The following SAC3D1 variants were observed in gnomAD, a reference collection of about 807,000 sequenced individuals.
The protein encoded by SAC3D1 is SAC3 domain-containing protein 1.
SAC3D1 carries 10 observed loss-of-function variants against 12.7 expected under a neutral mutation model. The ratio of observed to expected loss-of-function variants is 0.79; its 90% CI spans 0.49 to 1.34. The LOEUF is 1.34. Among genes scored for constraint, SAC3D1 ranks in the 40% most tolerant of loss-of-function variants. The pLI, the probability that SAC3D1 is intolerant of heterozygous loss-of-function variation, is 0.00. For synonymous variants in SAC3D1, 241 were observed against 250.8 expected, an observed-to-expected ratio of 0.96 and a Z score of 0.37; for missense variants, 482 against 531.1, an observed-to-expected ratio of 0.91 and a Z score of 0.91.
chr11:65,044,178 A>C lies in SAC3D1; in HGVS notation c.575-47A>C, dbSNP rs1946665754. On this transcript the variant is annotated intron_variant, in intron 1 of 1. Transcript: ENST00000652489. The surrounding 1 kb of genome is among the most constrained non-coding windows in gnomAD (Gnocchi z 4.0). ...GGTGTTGGGAGGGGAGATGAGCCTGATCCTGTAAGGACCAGGCGTCCTCAT... is the reference window on the plus strand; with the variant it reads ...GGTGTTGGGAGGGGAGATGAGCCTGCTCCTGTAAGGACCAGGCGTCCTCAT... 1 of 1,587,218 alleles carries C rather than the reference A, an allele frequency of 6.3e-7. No homozygotes were observed. Among genetic ancestry groups the C allele is most frequent in the South Asian group, 1.1e-5 (1 of 87,428 alleles).
chr11:65,042,762 G>T (rs945193083), intron 1 of SAC3D1, among the ~76,000 whole-genome samples: 5 of 151,712 alleles, frequency 3.3e-5, no homozygotes, highest in Non-Finnish European at 5.9e-5. Flanking sequence ...TGCTGGTCTC[G>T]AACTCCTGAC....
In SAC3D1 at chr11:65,041,234, T is replaced by A; in HGVS notation, c.-59T>A. On this transcript the variant is annotated 5_prime_UTR_variant, in exon 1 of 2. Coordinates refer to ENST00000652489, the MANE Select transcript of SAC3D1 (RefSeq NM_013299.4). ...ACCCCCCGGCCGGCCTCGCGTGCCT[T>A]CCCGCAGCACTGCCGTCCCCGGGAT... 3.4e-6 allele frequency: 5 copies of A among 1,456,544 alleles called. No individual in the cohort carries two copies. Among genetic ancestry groups the A allele is most frequent in the Non-Finnish European group, 3.6e-6 (4 of 1,108,652 alleles). The allele number at this position is 1,456,544 out of a possible 1,614,324, so 90.2% of individuals were successfully genotyped here.
chr11:65,042,064 G>A (rs571285831), intron 1 of SAC3D1, 198 bp downstream of exon 1: 17 of 673,414 alleles, frequency 2.5e-5, no homozygotes, highest in African/African-American at 1.3e-4. Context: ...AAGTGGAGGG[G>A]GCAAGGGTGG....
chr11:65,041,213 C>A lies in SAC3D1; in HGVS notation c.-80C>A. The A allele has an allele frequency of 1.5e-6, 2 of 1,378,142 alleles. No individual in the cohort carries two copies. The highest frequency in any genetic ancestry group is 1.9e-6 in the Non-Finnish European group (2 of 1,044,222). 85.4% of individuals were successfully genotyped at this position (1,378,142 alleles called of 1,614,324 possible). A position where few individuals can be genotyped will look rare whatever the true frequency, so the allele number is the denominator to read the frequency against. ...CGCCCCGACCCGCCGCTCCCCACCC[C>A]CCGGCCGGCCTCGCGTGCCTTCCCG... On this transcript the variant is annotated 5_prime_UTR_variant, in exon 1 of 2. Coordinates refer to ENST00000652489, the MANE Select transcript of SAC3D1 (RefSeq NM_013299.4).
chr11:65,044,049 T>G lies in SAC3D1; in HGVS notation c.575-176T>G, dbSNP rs1306138216. On this transcript the variant is annotated intron_variant, in intron 1 of 1. Coordinates refer to ENST00000652489, the MANE Select transcript of SAC3D1 (RefSeq NM_013299.4). The surrounding 1 kb of genome is among the most constrained non-coding windows in gnomAD (Gnocchi z 4.0). ...AAGTCAAGAGCCTGAGGCCACTCAT[T>G]CAAATATAGGTTGGGGAAGGAGCCA... Among the ~76,000 whole-genome samples the G allele has an allele frequency of 6.6e-6, 1 of 152,170 alleles. No individual in the cohort carries two copies. Among genetic ancestry groups the G allele is most frequent in the Admixed American group, 6.5e-5 (1 of 15,272 alleles).
In SAC3D1 at chr11:65,042,036, T is replaced by TA. The variant is rs1322412316; in HGVS notation, c.574+171dup. ...GGACCTCGGGCCCATCTCTGGGTCT[T>TA]AGTTGTCTCAGGAATAAAAGTGGAG... On this transcript the variant is annotated intron_variant, in intron 1 of 1. Transcript: ENST00000652489. 6.8e-6 allele frequency: 6 copies of TA among 887,174 alleles called. No homozygotes were observed. The Admixed American group carries it at 1.8e-4, about 26-fold the overall frequency. 55.0% of individuals were successfully genotyped at this position (887,174 alleles called of 1,614,324 possible).
At chr11:65,043,190 A>G (rs980823473) in intron 1 of SAC3D1, 2 of 317,942 alleles carry the variant, frequency 6.3e-6, no homozygotes. Context: ...CTAGTGGGGG[A>G]AGAAATCGAA....
In SAC3D1 at chr11:65,041,375, G is replaced by A. The variant is rs1257213869; in HGVS notation, c.83G>A (p.Arg28His). The change falls in exon 1 of 2, where the codon CGC becomes CAC. Residue 28 changes from arginine to histidine, a missense_variant. Arg to His is a conservative substitution (Grantham distance 29). Transcript: ENST00000652489. ...AERAQREREH[R>H]LHRLEVVPGC... ...CGCGCCCAGCGCGAAAGGGAGCACC[G>A]CCTGCACCGCTTGGAGGTGGTGCCG... is the stretch of plus-strand genomic sequence containing the variant. The A allele has an allele frequency of 2.6e-6, 4 of 1,512,002 alleles. No individual in the cohort carries two copies. The highest frequency in any genetic ancestry group is 3.5e-6 in the Non-Finnish European group (4 of 1,137,228). 93.7% of individuals were successfully genotyped at this position (1,512,002 alleles called of 1,614,324 possible). A position where few individuals can be genotyped will look rare whatever the true frequency, so the allele number is the denominator to read the frequency against.
At chr11:65,042,662 C>T (rs1253987703) in intron 1 of SAC3D1, among the ~76,000 whole-genome samples, 1 of 152,052 alleles carries the variant, frequency 6.6e-6, no homozygotes, top group Admixed American at 6.6e-5. Context: ...CTGCGTCAGC[C>T]TCCCAAAGAG....
At chr11:65,042,691 A>G (rs60568743) in intron 1 of SAC3D1, among the ~76,000 whole-genome samples, 8,896 of 150,898 alleles carry the variant, frequency 0.059, 891 homozygotes, top group African/African-American at 0.2. Context: ...ACAGGCGTGC[A>G]CCACCACACC....
chr11:65,041,227 C>A lies in SAC3D1; in HGVS notation c.-66C>A, dbSNP rs781740252. On this transcript the variant is annotated 5_prime_UTR_variant, in exon 1 of 2. Coordinates refer to ENST00000652489, the MANE Select transcript of SAC3D1 (RefSeq NM_013299.4). ...GCTCCCCACCCCCCGGCCGGCCTCG[C>A]GTGCCTTCCCGCAGCACTGCCGTCC... 1.7e-5 allele frequency: 24 copies of A among 1,425,292 alleles called. No individual in the cohort carries two copies. The highest frequency in any genetic ancestry group is 4.6e-6 in the Non-Finnish European group (5 of 1,084,574). 88.3% of individuals were successfully genotyped at this position (1,425,292 alleles called of 1,614,324 possible). A position where few individuals can be genotyped will look rare whatever the true frequency, so the allele number is the denominator to read the frequency against.
chr11:65,044,631 GT>G lies in SAC3D1; in HGVS notation c.983del (p.Leu328Ter), dbSNP rs1946678720. 6.2e-7 allele frequency: 1 copy of G among 1,613,984 alleles called. No homozygotes were observed. Among genetic ancestry groups the G allele is most frequent in the Non-Finnish European group, 8.5e-7 (1 of 1,180,032 alleles). On this transcript the variant is annotated frameshift_variant, in exon 2 of 2. Transcript: ENST00000652489. LOFTEE classifies it low-confidence loss of function (END_TRUNC). The surrounding 1 kb of genome is among the most constrained non-coding windows in gnomAD (Gnocchi z 4.0). ...GLPPASTCKV[L>X]VESKLRGRTL... ...TACCGCCTGCCAGTACGTGCAAGGTGTTAGTGGAGAGCAAACTTCGAGGACG... is the reference window on the plus strand; with the variant it reads ...TACCGCCTGCCAGTACGTGCAAGGTGTAGTGGAGAGCAAACTTCGAGGACG...
rs773131737 is a variant in SAC3D1 at position 65,041,257 on chromosome 11, G to C, written c.-36G>C. On this transcript the variant is annotated 5_prime_UTR_variant, in exon 1 of 2. Transcript: ENST00000652489. ...CTTCCCGCAGCACTGCCGTCCCCGGGATGCTGAGCGCCCACCGTCTCCCCG... is the reference window on the plus strand; with the variant it reads ...CTTCCCGCAGCACTGCCGTCCCCGGCATGCTGAGCGCCCACCGTCTCCCCG... The C allele has an allele frequency of 2.0e-6, 3 of 1,484,824 alleles. No individual in the cohort carries two copies. The highest frequency in any genetic ancestry group is 2.3e-5 in the Admixed American group (1 of 44,238). The allele number at this position is 1,484,824 out of a possible 1,614,324, so 92.0% of individuals were successfully genotyped here.
chr11:65,041,347 GAGCGCGCCC>G lies in SAC3D1; in HGVS notation c.62_70del (p.Ala21_Arg23del). The G allele has an allele frequency of 6.6e-7, 1 of 1,509,894 alleles. No individual in the cohort carries two copies. 93.5% of individuals were successfully genotyped at this position (1,509,894 alleles called of 1,614,324 possible). On this transcript the variant is annotated inframe_deletion, in exon 1 of 2. Transcript: ENST00000652489. ...CTGCCCGGACATGTGCCCGGCCGCC[GAGCGCGCCC>G]AGCGCGAAAGGGAGCACCGCCTGCA...
upstream of SAC3D1, chr11:65,041,060 T>G: frequency 5.2e-6 from 3 of 578,252 alleles, no homozygotes; most frequent in Non-Finnish European, 9.0e-6. Context: ...GAGGCGTAGC[T>G]GGACTACAAC....
chr11:65,043,333 A>G (rs1313392979), intron 1 of SAC3D1, among the ~76,000 whole-genome samples: 1 of 151,704 alleles, frequency 6.6e-6, no homozygotes, highest in Non-Finnish European at 1.5e-5. Flanking sequence ...TGCCATGTTG[A>G]CCAGGTTGCT....
At position 65,044,789 on chromosome 11, in the gene SAC3D1, C is replaced by T. The variant is rs879190249; in HGVS notation, c.*62C>T. On this transcript the variant is annotated 3_prime_UTR_variant, in exon 2 of 2. Transcript: ENST00000652489. This position sits in a 1 kb window ranked among gnomAD's most constrained non-coding sequence, Gnocchi z 4.0. ...GCCAGAGCACTTAGGTTTCTTTTTC[C>T]ATGGTTTCCAGGTAATAAAAGGAAC... 6.0e-5 allele frequency: 92 copies of T among 1,529,822 alleles called. 2 individuals carry two copies. In the South Asian group the frequency reaches 1.0e-3, roughly 17 times the overall value. 94.8% of individuals were successfully genotyped at this position (1,529,822 alleles called of 1,614,324 possible). A position where few individuals can be genotyped will look rare whatever the true frequency, so the allele number is the denominator to read the frequency against.
Position 65,044,185 on chromosome 11 carries a change from A to G in SAC3D1, c.575-40A>G, listed in dbSNP as rs760015153. The G allele has an allele frequency of 6.3e-7, 1 of 1,595,180 alleles. No individual in the cohort carries two copies. Among genetic ancestry groups the G allele is most frequent in the Admixed American group, 1.7e-5 (1 of 59,002 alleles). On this transcript the variant is annotated intron_variant, in intron 1 of 1. Coordinates refer to ENST00000652489, the MANE Select transcript of SAC3D1 (RefSeq NM_013299.4). The surrounding 1 kb of genome is among the most constrained non-coding windows in gnomAD (Gnocchi z 4.0). ...GGAGGGGAGATGAGCCTGATCCTGT[A>G]AGGACCAGGCGTCCTCATTCTGGCT...
chr11:65,042,388 C>T (rs866309182), intron 1 of SAC3D1, among the ~76,000 whole-genome samples: 2 of 152,144 alleles, frequency 1.3e-5, no homozygotes, highest in Non-Finnish European at 2.9e-5. Flanking sequence ...AGCCACCGCG[C>T]CCGGCTGATT....
Sources: allele counts gnomAD v4.1 joint callset (sites outside exome capture counted in the v4.1 genomes callset), GRCh38; gene constraint gnomAD v4.1.1; non-coding constraint Gnocchi (gnomAD v3.1); transcripts MANE v1.5; gene names NCBI Gene and HGNC (gene_info 2026-07-23, HGNC 2026-07-21).